The following REV3L variants were observed in gnomAD, a reference collection of about 807,000 sequenced individuals.
REV3L encodes DNA polymerase zeta catalytic subunit.
Under a neutral mutation model 299.4 loss-of-function variants are expected in REV3L, and 69 were observed. The observed-to-expected ratio is 0.23, with a 90% confidence interval of 0.19 to 0.28. The LOEUF (loss-of-function observed/expected upper bound fraction) is 0.28. Among genes scored for constraint, REV3L ranks in the 10% least tolerant of loss-of-function variants. REV3L has a pLI of 1.00. For missense variants in REV3L, 3,128 were observed against 3,693.8 expected (o/e 0.85, Z 3.97); for synonymous variants, 1,238 against 1,271.4 (o/e 0.97, Z 0.56).
intron 24 of REV3L, 21 bp from the exon 25 acceptor site, chr6:111,329,759 G>A: frequency 1.3e-6 from 2 of 1,555,310 alleles, no homozygotes; most frequent in South Asian, 1.1e-5. Flanking sequence ...GAAAAAAAAT[G>A]TTTAAAACCC....
At chr6:111,362,586 TTGATC>T (rs1486176934) in intron 16 of REV3L, among the ~76,000 whole-genome samples, 2 of 152,216 alleles carry the variant, frequency 1.3e-5, no homozygotes, top group African/African-American at 2.4e-5. Flanking sequence ...TAAAAACACT[TTGATC>T]TGATCCAATA....
In REV3L at chr6:111,443,639, T is replaced by C. The variant is rs367551422; in HGVS notation, c.140-27167A>G. ...TGACCTTTCTGGAATTTCTACTGAA[T>C]GCCTGGTGTATTCAAGAAGGTCTCA... On this transcript the variant is annotated intron_variant, in intron 1 of 31. Transcript: ENST00000368802. 4.5e-4 allele frequency among the ~76,000 whole-genome samples: 69 copies of C among 152,344 alleles called. No individual in the cohort carries two copies. The South Asian group carries it at 7.5e-3, about 16-fold the overall frequency.
chr6:111,435,974 A>C (rs1787503482), intron 1 of REV3L, among the ~76,000 whole-genome samples: 3 of 152,200 alleles, frequency 2.0e-5, no homozygotes, highest in African/African-American at 4.8e-5. Context: ...AAAACAAATA[A>C]TCTGATTTTT....
chr6:111,411,252 C>T (rs181296116), intron 3 of REV3L, among the ~76,000 whole-genome samples: 1 of 152,132 alleles, frequency 6.6e-6, no homozygotes, highest in Admixed American at 6.5e-5. Flanking sequence ...CCTACTTCTA[C>T]GAACTCTCTA....
chr6:111,376,235 A>G lies in REV3L; in HGVS notation c.2120T>C (p.Phe707Ser). ...TGAATGATTTAAGTCAGAAAAGTTG[A>G]AAGAATTTTTGCCCAATGTATTCTC... ...PNENTLGKNSFNFSDLNHSKN... is the reference protein window; with the variant it reads ...PNENTLGKNSSNFSDLNHSKN... The change falls in exon 13 of 32, where the codon TTC becomes TCC. Residue 707 changes from phenylalanine to serine, a missense_variant. Coordinates refer to ENST00000368802, the MANE Select transcript of REV3L (RefSeq NM_001372078.1). 1.2e-6 allele frequency: 2 copies of G among 1,613,786 alleles called. No homozygotes were observed. The highest frequency in any genetic ancestry group is 1.7e-6 in the Non-Finnish European group (2 of 1,179,916).
intron 1 of REV3L, among the ~76,000 whole-genome samples, chr6:111,470,309 C>A (rs576499580): frequency 2.0e-5 from 3 of 152,284 alleles, no homozygotes; most frequent in Admixed American, 2.0e-4. Flanking sequence ...TCAAATTCTG[C>A]TTCACTGTTT....
intron 1 of REV3L, among the ~76,000 whole-genome samples, chr6:111,444,912 T>C (rs528182649): frequency 7.4e-4 from 113 of 152,360 alleles, no homozygotes; most frequent in African/African-American, 2.7e-3. Context: ...CTGAATACTG[T>C]TCATCCTACT....
chr6:111,329,083 G>A (rs895442567), intron 25 of REV3L, among the ~76,000 whole-genome samples: 6 of 150,598 alleles, frequency 4.0e-5, no homozygotes, highest in African/African-American at 9.8e-5. Context: ...TCATTCTGTC[G>A]CCCAGGCTGG....
chr6:111,374,236 C>G lies in REV3L; in HGVS notation c.4119G>C (p.Gln1373His). ...NHLSQVAQNTQISSGMSSKIE... is the reference protein window; with the variant it reads ...NHLSQVAQNTHISSGMSSKIE... Reference sequence around the variant, plus strand: ...TCTTTGAGGACATACCAGAAGATATCTGTGTATTCTGTGCTACCTGAGATA... The same window carrying G: ...TCTTTGAGGACATACCAGAAGATATGTGTGTATTCTGTGCTACCTGAGATA... Residue 1373 changes from glutamine to histidine, a missense_variant, in exon 13 of 32, where the codon CAG (glutamine) becomes CAC (histidine). Gln to His is a conservative substitution (Grantham distance 24). Coordinates refer to ENST00000368802, the MANE Select transcript of REV3L (RefSeq NM_001372078.1). 2 of 1,613,068 alleles carry G rather than the reference C, an allele frequency of 1.2e-6. No individual in the cohort carries two copies. Among genetic ancestry groups the G allele is most frequent in the Non-Finnish European group, 1.7e-6 (2 of 1,179,128 alleles).
intron 13 of REV3L, among the ~76,000 whole-genome samples, chr6:111,370,078 A>G (rs1039566060): frequency 2.0e-5 from 3 of 152,008 alleles, no homozygotes; most frequent in Admixed American, 1.3e-4. Flanking sequence ...TGATCTGCCC[A>G]CCTTGGCCTC....
In REV3L at chr6:111,368,021, C is replaced by T. The variant is rs3218604; in HGVS notation, c.5767G>A (p.Gly1923Ser). 1 of 1,601,228 alleles carries T rather than the reference C, an allele frequency of 6.2e-7. No homozygotes were observed. Among genetic ancestry groups the T allele is most frequent in the East Asian group, 2.2e-5 (1 of 44,798 alleles). ...SDVPEKPREI[G>S]GRLLMVETRL... is the part of the protein sequence containing the mutation. ...GTTTCTACCATGAGGAGCCGTCCACCAATCTCCCTATAATAACATATTTTA... is the reference window on the plus strand; with the variant it reads ...GTTTCTACCATGAGGAGCCGTCCACTAATCTCCCTATAATAACATATTTTA... The change falls in exon 14 of 32, where the codon GGT (glycine) becomes AGT (serine). Residue 1923 changes from glycine to serine, a missense_variant. Physicochemically the swap from Gly to Ser is moderately conservative, Grantham distance 56 (BLOSUM62 0). This residue lies in a region of REV3L where 2,409 missense variants were observed against 2,611.8 expected (regional missense o/e 0.92). Coordinates refer to ENST00000368802, the MANE Select transcript of REV3L (RefSeq NM_001372078.1).
intron 1 of REV3L, among the ~76,000 whole-genome samples, chr6:111,470,028 A>G (rs978071151): frequency 6.6e-5 from 10 of 152,330 alleles, no homozygotes; most frequent in African/African-American, 1.2e-4. Context: ...TAAAAATTTT[A>G]TATCAGATTG....
At chr6:111,305,760 T>C (rs142099775) in intron 31 of REV3L, among the ~76,000 whole-genome samples, 118 of 152,170 alleles carry the variant, frequency 7.8e-4, no homozygotes, top group African/African-American at 2.7e-3. Flanking sequence ...AGCCTGACCT[T>C]AGCAGAGCCC....
chr6:111,330,767 T>C (rs1238099204), intron 24 of REV3L, among the ~76,000 whole-genome samples: 1 of 152,180 alleles, frequency 6.6e-6, no homozygotes, highest in Non-Finnish European at 1.5e-5. Context: ...GATTTTTATA[T>C]AGAGACCCAT....
At chr6:111,422,680 GTATATATATA>G in intron 1 of REV3L, among the ~76,000 whole-genome samples, 1 of 11,218 alleles carries the variant, frequency 8.9e-5, no homozygotes, top group Admixed American at 1.3e-3. Flanking sequence ...ATATATATAC[GTATATATATA>G]TATATATATA....
At chr6:111,467,098 T>C (rs1421527037) in intron 1 of REV3L, among the ~76,000 whole-genome samples, 1 of 152,242 alleles carries the variant, frequency 6.6e-6, no homozygotes, top group East Asian at 1.9e-4. Context: ...GGATTCCTAT[T>C]TGTTTTTGAT....
At chr6:111,464,476 G>C (rs951503375) in intron 1 of REV3L, among the ~76,000 whole-genome samples, 1 of 152,042 alleles carries the variant, frequency 6.6e-6, no homozygotes, top group Non-Finnish European at 1.5e-5. Flanking sequence ...CCAAAGAAAA[G>C]AATCTGTGAT....
At chr6:111,369,745 C>G (rs574991227) in intron 13 of REV3L, among the ~76,000 whole-genome samples, 16 of 152,020 alleles carry the variant, frequency 1.1e-4, no homozygotes, top group Admixed American at 3.3e-4. Flanking sequence ...GAATACACAT[C>G]AAAATATTAT....
intron 1 of REV3L, among the ~76,000 whole-genome samples, chr6:111,424,998 T>C (rs1297577209): frequency 6.6e-6 from 1 of 152,176 alleles, no homozygotes; most frequent in Non-Finnish European, 1.5e-5. Context: ...TAGGGCTATG[T>C]ACATGCCCAG....
Sources: allele counts gnomAD v4.1 joint callset (sites outside exome capture counted in the v4.1 genomes callset), GRCh38; gene constraint gnomAD v4.1.1; regional missense constraint gnomAD v4.1.1; transcripts MANE v1.5; gene names NCBI Gene and HGNC (gene_info 2026-07-23, HGNC 2026-07-21).